Variants in ENTREP2 observed in about 807,000 individuals in gnomAD.
ENTREP2 encodes protein ENTREP2.
the ENTREP2 span, among the ~76,000 whole-genome samples, chr15:29,352,550 T>C: frequency 1.3e-5 from 2 of 152,164 alleles, no homozygotes; most frequent in African/African-American, 4.8e-5. Flanking sequence ...CCACTCTTTC[T>C]TGTAACCGCT....
the ENTREP2 span, among the ~76,000 whole-genome samples, chr15:29,187,273 TTCTTC>T: frequency 6.6e-6 from 1 of 152,116 alleles, no homozygotes; most frequent in Non-Finnish European, 1.5e-5. Flanking sequence ...TTTCTTTCTT[TTCTTC>T]TTTTTTTTTC....
At chr15:29,509,803 G>A in the ENTREP2 span, among the ~76,000 whole-genome samples, 1 of 152,108 alleles carries the variant, frequency 6.6e-6, no homozygotes, top group African/African-American at 2.4e-5. Flanking sequence ...AAAAACCCTA[G>A]AATAAAACCT....
At chr15:29,429,190 T>TATCCATCCATCC in the ENTREP2 span, among the ~76,000 whole-genome samples, 29 of 149,276 alleles carry the variant, frequency 1.9e-4, no homozygotes, top group South Asian at 8.7e-4. Flanking sequence ...GATGTCTATC[T>TATCCATCCATCC]ATCCATCCAT....
At chr15:29,338,038 A>G in the ENTREP2 span, among the ~76,000 whole-genome samples, 5 of 152,182 alleles carry the variant, frequency 3.3e-5, no homozygotes, top group Admixed American at 6.5e-5. Context: ...GGAATCTTAC[A>G]TATCTTTATC....
At chr15:29,222,957 A>G in the ENTREP2 span, among the ~76,000 whole-genome samples, 1 of 152,242 alleles carries the variant, frequency 6.6e-6, no homozygotes, top group African/African-American at 2.4e-5. Flanking sequence ...TATACAGGAG[A>G]AAACTGCTCA....
At chr15:29,225,029 C>G in the ENTREP2 span, among the ~76,000 whole-genome samples, 1 of 152,194 alleles carries the variant, frequency 6.6e-6, no homozygotes, top group Admixed American at 6.5e-5. Context: ...GGCGGGCTGG[C>G]CGGCCGCTCT....
the ENTREP2 span, among the ~76,000 whole-genome samples, chr15:29,221,204 CTTT>C: frequency 7.0e-6 from 1 of 143,558 alleles, no homozygotes; most frequent in African/African-American, 2.5e-5. Context: ...GCAAATGACA[CTTT>C]TTTTTTTTTT....
chr15:29,402,441 G>C, the ENTREP2 span, among the ~76,000 whole-genome samples: 1 of 151,998 alleles, frequency 6.6e-6, no homozygotes, highest in Non-Finnish European at 1.5e-5. Flanking sequence ...TCGGCCTCCC[G>C]AATAGCAGGG....
At chr15:29,331,541 T>C in the ENTREP2 span, among the ~76,000 whole-genome samples, 1,586 of 152,276 alleles carry the variant, frequency 0.01, 36 homozygotes, top group Admixed American at 0.046. Flanking sequence ...CAGGAGGGAC[T>C]CATCTATCTA....
the ENTREP2 span, among the ~76,000 whole-genome samples, chr15:29,589,772 G>A: frequency 6.6e-6 from 1 of 152,186 alleles, no homozygotes; most frequent in African/African-American, 2.4e-5. Context: ...AAAAACAGTA[G>A]GCTTGGAATC....
the ENTREP2 span, among the ~76,000 whole-genome samples, chr15:29,446,452 C>A: frequency 6.6e-6 from 1 of 152,108 alleles, no homozygotes. Flanking sequence ...AAGACAGACA[C>A]GCTACTTGGA....
the ENTREP2 span, among the ~76,000 whole-genome samples, chr15:29,221,221 A>G: frequency 6.8e-6 from 1 of 147,058 alleles, no homozygotes; most frequent in Admixed American, 6.7e-5. Context: ...TTTTTTTTTG[A>G]GACGGAGTCT....
At chr15:29,143,681 C>T in the ENTREP2 span, among the ~76,000 whole-genome samples, 1 of 152,206 alleles carries the variant, frequency 6.6e-6, no homozygotes, top group Admixed American at 6.5e-5. Flanking sequence ...CAGTGACCTT[C>T]CTCCTTAATT....
chr15:29,377,110 C>T, the ENTREP2 span, among the ~76,000 whole-genome samples: 1 of 149,608 alleles, frequency 6.7e-6, no homozygotes, highest in Admixed American at 6.6e-5. Context: ...TTAGTTGACA[C>T]CTCCAGGAAG....
At chr15:29,383,485 G>A in the ENTREP2 span, among the ~76,000 whole-genome samples, 1 of 152,214 alleles carries the variant, frequency 6.6e-6, no homozygotes, top group Non-Finnish European at 1.5e-5. Context: ...GAAGGTGTTT[G>A]CAGACCAGGT....
At chr15:29,263,535 G>A in the ENTREP2 span, among the ~76,000 whole-genome samples, 2 of 152,226 alleles carry the variant, frequency 1.3e-5, no homozygotes, top group Non-Finnish European at 2.9e-5. Context: ...TGGCAGAGAG[G>A]ATAGTGGATT....
the ENTREP2 span, among the ~76,000 whole-genome samples, chr15:29,161,365 C>T: frequency 6.6e-6 from 1 of 152,216 alleles, no homozygotes; most frequent in Non-Finnish European, 1.5e-5. Context: ...TAGCATCACC[C>T]TGAGACCCCA....
the ENTREP2 span, among the ~76,000 whole-genome samples, chr15:29,181,433 T>G: frequency 6.6e-6 from 1 of 151,990 alleles, no homozygotes; most frequent in Non-Finnish European, 1.5e-5. Flanking sequence ...AACTAAAAAA[T>G]AAAATAAAAT....
At chr15:29,491,136 G>A in the ENTREP2 span, among the ~76,000 whole-genome samples, 3 of 152,182 alleles carry the variant, frequency 2.0e-5, no homozygotes, top group South Asian at 4.1e-4. Context: ...GCCCCTCACT[G>A]CCCAGGGCCA....
Sources: gnomAD v4.1 joint callset for allele counts (sites outside exome capture counted in the v4.1 genomes callset) on GRCh38, gnomAD v4.1.1 for gene constraint, MANE v1.5 for transcripts, NCBI Gene and HGNC (gene_info 2026-07-23, HGNC 2026-07-21) for gene names.